USP34: variants seen among roughly 807,000 people sequenced by gnomAD.
The protein encoded by USP34 is ubiquitin specific peptidase 34.
USP34 carries 70 observed loss-of-function variants against 460.3 expected under a neutral mutation model. That is an observed-to-expected ratio of 0.15 (90% CI 0.13 to 0.19). The LOEUF is 0.19. Among genes scored for constraint, USP34 ranks in the 10% least tolerant of loss-of-function variants. The probability of loss-of-function intolerance (pLI) is 1.00; values close to 1 mark genes in which losing one functional copy is unlikely to be tolerated. For missense variants in USP34, 3,985 were observed against 4,236.2 expected (o/e 0.94, Z 1.65); for synonymous variants, 1,647 against 1,405.3 (o/e 1.17, Z -3.85).
At chr2:61,191,461 GGTCA>G (rs1208959659) in intron 76 of USP34, 3 of 151,928 alleles carry the variant, frequency 2.0e-5, no homozygotes, top group African/African-American at 7.3e-5. Flanking sequence ...AATTACTCAA[GGTCA>G]GTCAAGAAAT....
intron 1 of USP34, among the ~76,000 whole-genome samples, chr2:61,421,261 C>A (rs547449907): frequency 6.6e-6 from 1 of 152,184 alleles, no homozygotes; most frequent in East Asian, 1.9e-4. Context: ...CTGATTCCAG[C>A]CTCCAGCTTA....
intron 1 of USP34, among the ~76,000 whole-genome samples, chr2:61,461,439 GAAA>G (rs145041962): frequency 6.7e-6 from 1 of 148,304 alleles, no homozygotes; most frequent in Non-Finnish European, 1.5e-5. Flanking sequence ...CTGAAATACA[GAAA>G]AAAAAACATA....
chr2:61,223,575 T>G (rs989566744), intron 62 of USP34: 6 of 212,938 alleles, frequency 2.8e-5, no homozygotes, highest in Non-Finnish European at 5.5e-5. Context: ...TTTACTTACT[T>G]TTTTTTTTTT....
At chr2:61,225,218 A>C (rs1261255493) in intron 62 of USP34, among the ~76,000 whole-genome samples, 2 of 152,184 alleles carry the variant, frequency 1.3e-5, no homozygotes, top group Non-Finnish European at 2.9e-5. Flanking sequence ...CTACAATTTA[A>C]TATTTTTATC....
At chr2:61,430,065 A>C (rs1415323177) in intron 1 of USP34, among the ~76,000 whole-genome samples, 1 of 152,088 alleles carries the variant, frequency 6.6e-6, no homozygotes, top group Non-Finnish European at 1.5e-5. Flanking sequence ...AATACAAAAA[A>C]TTAGCCGCGC....
At chr2:61,232,212 T>A (rs1025296776) in intron 58 of USP34, among the ~76,000 whole-genome samples, 1 of 152,076 alleles carries the variant, frequency 6.6e-6, no homozygotes, top group Non-Finnish European at 1.5e-5. Flanking sequence ...GAACAGGAAA[T>A]TACAGTCAAT....
Position 61,355,275 on chromosome 2 carries a change from T to C in USP34, c.1252-4582A>G, listed in dbSNP as rs538479380. Among the ~76,000 whole-genome samples, 40 of 152,220 alleles carry C rather than the reference T, an allele frequency of 2.6e-4. No individual in the cohort carries two copies. In the South Asian group the frequency reaches 7.9e-3, roughly 30 times the overall value. On this transcript the variant is annotated intron_variant, in intron 10 of 79. Transcript: ENST00000398571. Reference sequence around the variant, plus strand: ...TGCTAAAGAGTCCTTCCAGTTGAAATGAAATAAGAAAGATCTCTGATAAAT... The same window carrying C: ...TGCTAAAGAGTCCTTCCAGTTGAAACGAAATAAGAAAGATCTCTGATAAAT...
At chr2:61,325,514 AAATT>A in intron 20 of USP34, 57 bp from the exon 21 acceptor site, 1 of 1,168,634 alleles carries the variant, frequency 8.6e-7, no homozygotes, top group Non-Finnish European at 1.2e-6. Context: ...TTACTTTTAA[AAATT>A]TAGTGGTCCT....
At chr2:61,414,159 G>A (rs1002006471) in intron 2 of USP34, among the ~76,000 whole-genome samples, 3 of 151,944 alleles carry the variant, frequency 2.0e-5, no homozygotes, top group Admixed American at 2.0e-4. Context: ...GGAGGCTGAG[G>A]CAGGAGAACT....
At chr2:61,214,022 T>C (rs1687337728) in intron 68 of USP34, 38 bp downstream of exon 68, 1 of 1,610,534 alleles carries the variant, frequency 6.2e-7, no homozygotes, top group Non-Finnish European at 8.5e-7. Context: ...TTCCAATCTA[T>C]TTGAGGATAC....
At chr2:61,403,611 A>G (rs953888263) in intron 3 of USP34, among the ~76,000 whole-genome samples, 1 of 152,188 alleles carries the variant, frequency 6.6e-6, no homozygotes, top group Non-Finnish European at 1.5e-5. Context: ...ATCACAGGCT[A>G]AGATTTTTAG....
At chr2:61,396,410 C>A (rs1283035145) in intron 3 of USP34, among the ~76,000 whole-genome samples, 1 of 152,016 alleles carries the variant, frequency 6.6e-6, no homozygotes, top group Non-Finnish European at 1.5e-5. Flanking sequence ...ATACGCATAA[C>A]GATGCTCATT....
chr2:61,394,219 C>T (rs999453045), intron 5 of USP34, among the ~76,000 whole-genome samples: 7 of 152,074 alleles, frequency 4.6e-5, no homozygotes, highest in Non-Finnish European at 8.8e-5. Context: ...TTTTCAAAGG[C>T]AAGAAGAAAT....
intron 57 of USP34, among the ~76,000 whole-genome samples, chr2:61,233,307 G>A (rs1240770651): frequency 6.6e-6 from 1 of 151,964 alleles, no homozygotes; most frequent in Admixed American, 6.6e-5. Context: ...ACACCACCAG[G>A]AAAATGCAAT....
intron 41 of USP34, among the ~76,000 whole-genome samples, chr2:61,275,681 A>T (rs1689353109): frequency 6.6e-6 from 1 of 152,122 alleles, no homozygotes; most frequent in Non-Finnish European, 1.5e-5. Flanking sequence ...AGGTGAAAAA[A>T]AGCAAAGTAT....
At chr2:61,382,159 C>T (rs1024406067) in intron 6 of USP34, among the ~76,000 whole-genome samples, 1 of 152,136 alleles carries the variant, frequency 6.6e-6, no homozygotes, top group Non-Finnish European at 1.5e-5. Context: ...CTATTCCAGT[C>T]ACCCTATATT....
chr2:61,459,050 A>G (rs1361740783), intron 1 of USP34, among the ~76,000 whole-genome samples: 3 of 152,204 alleles, frequency 2.0e-5, no homozygotes, highest in African/African-American at 7.2e-5. Flanking sequence ...TGGGTGACAA[A>G]TCAAGACTCC....
chr2:61,326,417 C>T (rs933053716), intron 20 of USP34, among the ~76,000 whole-genome samples: 2 of 152,056 alleles, frequency 1.3e-5, no homozygotes, highest in Non-Finnish European at 2.9e-5. Flanking sequence ...ATAGTAGAGA[C>T]GGGGTTTCAC....
intron 2 of USP34, among the ~76,000 whole-genome samples, chr2:61,407,053 G>A (rs1231895318): frequency 6.6e-6 from 1 of 152,048 alleles, no homozygotes; most frequent in Non-Finnish European, 1.5e-5. Context: ...CCTTAGACAT[G>A]TTCAGTTAGT....
Sources: gnomAD v4.1 joint callset for allele counts (sites outside exome capture counted in the v4.1 genomes callset) on GRCh38, gnomAD v4.1.1 for gene constraint, MANE v1.5 for transcripts, NCBI Gene and HGNC (gene_info 2026-07-23, HGNC 2026-07-21) for gene names.